Variants in FMN1 observed in about 807,000 individuals in gnomAD.
FMN1 encodes the protein formin 1, also known as formin-1.
In FMN1, 110 loss-of-function variants were observed where a neutral mutation model predicts 132.4. The observed-to-expected ratio is 0.83, with a 90% CI of 0.71 to 0.97. The LOEUF (loss-of-function observed/expected upper bound fraction) is 0.97, where lower values mean the gene tolerates loss of function less well. Ranked by LOEUF, FMN1 falls within the 50% of genes least tolerant of loss-of-function variation. The pLI, the probability that FMN1 is intolerant of heterozygous loss-of-function variation, is 0.00. For missense variants in FMN1, 1,792 were observed against 1,705.3 expected, an observed-to-expected ratio of 1.05 and a Z score of -0.90; for synonymous variants, 722 against 651.7, an observed-to-expected ratio of 1.11 and a Z score of -1.64.
intron 9 of FMN1, among the ~76,000 whole-genome samples, chr15:32,956,168 A>G (rs1388979889): frequency 6.6e-6 from 1 of 152,072 alleles, no homozygotes; most frequent in African/African-American, 2.4e-5. Flanking sequence ...GTATCTCAGC[A>G]TTCTAAGGTG....
intron 4 of FMN1, among the ~76,000 whole-genome samples, chr15:33,152,588 A>G (rs118177675): frequency 1.9e-4 from 29 of 152,270 alleles, no homozygotes; most frequent in Non-Finnish European, 3.1e-4. Context: ...ACATAAGTGA[A>G]GACACAGCGT....
intron 9 of FMN1, among the ~76,000 whole-genome samples, chr15:32,934,598 CTTTTTTTTT>C (rs376553575): frequency 2.4e-5 from 3 of 127,128 alleles, no homozygotes; most frequent in African/African-American, 9.0e-5. Context: ...AATTTTTTTC[CTTTTTTTTT>C]TTTTTTTTTG....
chr15:32,836,582 T>C (rs2058632294), intron 17 of FMN1, among the ~76,000 whole-genome samples: 1 of 152,208 alleles, frequency 6.6e-6, no homozygotes, highest in African/African-American at 2.4e-5. Flanking sequence ...CTAAGCTGTA[T>C]ATGTCTTACA....
At chr15:32,882,447 G>A (rs894230339) in intron 16 of FMN1, among the ~76,000 whole-genome samples, 8 of 152,204 alleles carry the variant, frequency 5.3e-5, no homozygotes, top group African/African-American at 1.9e-4. Context: ...GTTGTCATTA[G>A]TGATGGTGGA....
intron 6 of FMN1, among the ~76,000 whole-genome samples, chr15:33,024,458 G>A (rs1332651262): frequency 6.6e-6 from 1 of 151,940 alleles, no homozygotes; most frequent in Non-Finnish European, 1.5e-5. Context: ...GTGTTAGCCA[G>A]GATGGTCTCG....
At chr15:33,017,363 T>C (rs931539310) in intron 6 of FMN1, among the ~76,000 whole-genome samples, 1 of 152,178 alleles carries the variant, frequency 6.6e-6, no homozygotes, top group African/African-American at 2.4e-5. Flanking sequence ...ACCACTCCAA[T>C]GGAGAATGCT....
At chr15:33,162,142 A>C (rs940809807) in intron 3 of FMN1, among the ~76,000 whole-genome samples, 6 of 151,980 alleles carry the variant, frequency 3.9e-5, no homozygotes, top group Non-Finnish European at 8.8e-5. Context: ...TCCTCCAAGT[A>C]GCTGGGAAAA....
intron 3 of FMN1, among the ~76,000 whole-genome samples, chr15:33,174,184 C>A (rs1235565366): frequency 1.3e-5 from 2 of 152,064 alleles, no homozygotes; most frequent in Non-Finnish European, 2.9e-5. Flanking sequence ...ATATCATTTT[C>A]TTTTCCCAAA....
intron 4 of FMN1, among the ~76,000 whole-genome samples, chr15:33,094,607 T>G (rs1595457946): frequency 6.6e-6 from 1 of 152,332 alleles, no homozygotes; most frequent in East Asian, 1.9e-4. Flanking sequence ...ATAGATACCC[T>G]ATGATACTCC....
chr15:32,957,618 A>G (rs2029962743), intron 9 of FMN1, among the ~76,000 whole-genome samples: 1 of 152,172 alleles, frequency 6.6e-6, no homozygotes, highest in Non-Finnish European at 1.5e-5. Flanking sequence ...TTGACACATT[A>G]ATGCTTTAAG....
chr15:33,018,558 C>G (rs200714845), intron 6 of FMN1, among the ~76,000 whole-genome samples: 4 of 152,154 alleles, frequency 2.6e-5, no homozygotes, highest in African/African-American at 9.7e-5. Context: ...GAGGGTGGTG[C>G]GCCCAAGAAG....
At chr15:32,800,844 A>T (rs975584960) in intron 18 of FMN1, among the ~76,000 whole-genome samples, 1 of 152,206 alleles carries the variant, frequency 6.6e-6, no homozygotes, top group Non-Finnish European at 1.5e-5. Flanking sequence ...TTTCTACTTT[A>T]GACACAGGTG....
intron 9 of FMN1, among the ~76,000 whole-genome samples, chr15:32,948,473 A>T (rs544186996): frequency 1.3e-5 from 2 of 152,088 alleles, no homozygotes; most frequent in African/African-American, 4.8e-5. Context: ...TATTTTGTGT[A>T]AGAAAGACAT....
intron 17 of FMN1, among the ~76,000 whole-genome samples, chr15:32,808,079 T>G (rs944383015): frequency 1.3e-5 from 2 of 152,230 alleles, no homozygotes; most frequent in Non-Finnish European, 2.9e-5. Flanking sequence ...AAGGTCACTG[T>G]GGGCCAAGTA....
At chr15:33,168,858 C>T (rs566450300) in intron 3 of FMN1, among the ~76,000 whole-genome samples, 2 of 152,296 alleles carry the variant, frequency 1.3e-5, no homozygotes, top group South Asian at 4.1e-4. Flanking sequence ...AGTGCTAAGA[C>T]GAGATCCTCT....
intron 6 of FMN1, chr15:33,063,696 G>C (rs1299071601): frequency 1.3e-5 from 2 of 152,148 alleles, no homozygotes; most frequent in Non-Finnish European, 1.5e-5. Context: ...ATCTAATGTG[G>C]TTTAGGAAAT....
Position 33,065,142 on chromosome 15 carries a change from T to C in FMN1, c.2044-68A>G. 3.9e-6 allele frequency: 4 copies of C among 1,014,594 alleles called. 1 individual carries two copies. The South Asian group carries it at 5.2e-5, about 13-fold the overall frequency. The allele number at this position is 1,014,594 out of a possible 1,614,324, so 62.8% of individuals were successfully genotyped here. A position where few individuals can be genotyped will look rare whatever the true frequency, so the allele number is the denominator to read the frequency against. On this transcript the variant is annotated intron_variant, in intron 5 of 20. Coordinates refer to ENST00000616417, the MANE Select transcript of FMN1 (RefSeq NM_001277313.2). ...GCCGATTAATTCCTGAAAAATGACATGCTAAACCTAATTCTGAAGTTAATT... is the reference window on the plus strand; with the variant it reads ...GCCGATTAATTCCTGAAAAATGACACGCTAAACCTAATTCTGAAGTTAATT...
chr15:32,863,105 G>C (rs374645123), intron 16 of FMN1, among the ~76,000 whole-genome samples: 89 of 152,286 alleles, frequency 5.8e-4, no homozygotes, highest in African/African-American at 1.9e-3. Context: ...CAAAAGCCTA[G>C]AATGCTTGGT....
chr15:33,073,732 G>GTTTT (rs763275526), intron 5 of FMN1, among the ~76,000 whole-genome samples: 25 of 109,900 alleles, frequency 2.3e-4, no homozygotes, highest in African/African-American at 6.9e-4. Context: ...TACCTAGCTT[G>GTTTT]TTTTTTTTTT....
Sources: gnomAD v4.1 joint callset for allele counts (sites outside exome capture counted in the v4.1 genomes callset) on GRCh38, gnomAD v4.1.1 for gene constraint, MANE v1.5 for transcripts, NCBI Gene and HGNC (gene_info 2026-07-23, HGNC 2026-07-21) for gene names.